The following KAZN variants were observed in gnomAD, a reference collection of about 807,000 sequenced individuals.
KAZN encodes the protein kazrin, periplakin interacting protein.
Under a neutral mutation model 87.4 loss-of-function variants are expected in KAZN, and 40 were observed. The ratio of observed to expected loss-of-function variants is 0.46; its 90% CI spans 0.36 to 0.60. The LOEUF (loss-of-function observed/expected upper bound fraction) is 0.60, where lower values mean the gene tolerates loss of function less well. Among genes scored for constraint, KAZN ranks in the 20% least tolerant of loss-of-function variants. KAZN has a pLI of 0.00. For missense variants in KAZN, 898 were observed against 1,073.9 expected, an observed-to-expected ratio of 0.84 and a Z score of 2.29; for synonymous variants, 466 against 458.3, an observed-to-expected ratio of 1.02 and a Z score of -0.22.
chr1:14,257,958 TTA>T (rs1650664155), intron 2 of KAZN, among the ~76,000 whole-genome samples: 1 of 28,418 alleles, frequency 3.5e-5, no homozygotes, highest in African/African-American at 2.0e-4. Context: ...AAAAAAAACA[TTA>T]AAAAAAAAAA....
chr1:14,945,775 C>T (rs1019824344), intron 1 of KAZN: 5 of 562,258 alleles, frequency 8.9e-6, no homozygotes, highest in Non-Finnish European at 1.1e-5. Flanking sequence ...TGAGCTGCCC[C>T]GCAGCACTTT....
chr1:14,971,988 G>T (rs1665102222), intron 2 of KAZN, among the ~76,000 whole-genome samples: 1 of 152,128 alleles, frequency 6.6e-6, no homozygotes, highest in Admixed American at 6.5e-5. Context: ...TGCAGCAGAG[G>T]CTGTCTTTAC....
intron 1 of KAZN, among the ~76,000 whole-genome samples, chr1:14,900,846 C>T (rs1173936252): frequency 6.6e-6 from 1 of 151,994 alleles, no homozygotes; most frequent in Non-Finnish European, 1.5e-5. Context: ...GAGAGGGATG[C>T]TGGCATGGCT....
At chr1:14,706,316 C>T (rs2148813824) in intron 1 of KAZN, among the ~76,000 whole-genome samples, 1 of 151,748 alleles carries the variant, frequency 6.6e-6, no homozygotes, top group South Asian at 2.1e-4. Flanking sequence ...TTGAATCATC[C>T]CCAAACCATC....
At chr1:14,021,819 A>G (rs921676602) in intron 1 of KAZN, among the ~76,000 whole-genome samples, 3 of 152,188 alleles carry the variant, frequency 2.0e-5, no homozygotes, top group African/African-American at 7.2e-5. Flanking sequence ...TCCCTGGGGA[A>G]GCCAATTTGT....
rs566191933 is a variant in KAZN at position 14,878,762 on chromosome 1, C to T, written c.227-81922C>T. 1.0e-3 allele frequency among the ~76,000 whole-genome samples: 154 copies of T among 152,332 alleles called. 1 individual carries two copies. Among genetic ancestry groups the T allele is most frequent in the Middle Eastern group, 3.4e-3 (1 of 294 alleles). On this transcript the variant is annotated intron_variant, in intron 1 of 14. Transcript: ENST00000376030. ...GTCTGGCTCTAGGCCCTCTCCCTTG[C>T]CAGTTTCCTGTTGGCCACCATGTTT...
intron 1 of KAZN, among the ~76,000 whole-genome samples, chr1:14,018,267 C>T (rs1291908892): frequency 6.6e-6 from 1 of 152,130 alleles, no homozygotes; most frequent in African/African-American, 2.4e-5. Context: ...TTTGTTTCAA[C>T]AGCTTGTGGC....
chr1:15,054,155 C>CAA (rs1674693761), intron 4 of KAZN, among the ~76,000 whole-genome samples: 1 of 151,752 alleles, frequency 6.6e-6, no homozygotes, highest in Non-Finnish European at 1.5e-5. Flanking sequence ...AGGCCTGGGG[C>CAA]AAAGTTAGAA....
At chr1:14,261,863 C>A (rs1651048667) in intron 2 of KAZN, among the ~76,000 whole-genome samples, 1 of 152,228 alleles carries the variant, frequency 6.6e-6, no homozygotes, top group East Asian at 1.9e-4. Context: ...GCAAGGGCTC[C>A]ATCTCAACTC....
chr1:14,767,847 G>A (rs1177845192), intron 1 of KAZN, among the ~76,000 whole-genome samples: 1 of 152,190 alleles, frequency 6.6e-6, no homozygotes, highest in Non-Finnish European at 1.5e-5. Flanking sequence ...CCTGAAAAGA[G>A]GACCTTGAGC....
chr1:14,105,604 A>G (rs1213251780), intron 1 of KAZN, among the ~76,000 whole-genome samples: 1 of 152,192 alleles, frequency 6.6e-6, no homozygotes, highest in Non-Finnish European at 1.5e-5. Context: ...CAAAGTGACC[A>G]AATGAAACAC....
At chr1:14,986,350 G>A (rs1226368559) in intron 2 of KAZN, among the ~76,000 whole-genome samples, 1 of 152,110 alleles carries the variant, frequency 6.6e-6, no homozygotes, top group Non-Finnish European at 1.5e-5. Context: ...TTTGCAAAAC[G>A]CCACCTCACC....
intron 1 of KAZN, among the ~76,000 whole-genome samples, chr1:13,917,034 G>A (rs775675092): frequency 1.2e-4 from 18 of 144,682 alleles, no homozygotes; most frequent in Non-Finnish European, 2.2e-4. Context: ...AGAATTCTCT[G>A]TATGCCAAGA....
intron 1 of KAZN, among the ~76,000 whole-genome samples, chr1:14,883,344 A>AGGGAGGGAGGGAGGGAGGG (rs1557586164): frequency 6.7e-5 from 2 of 29,682 alleles, no homozygotes; most frequent in African/African-American, 9.6e-5. Flanking sequence ...GAGAGAGAGA[A>AGGGAGGGAGGGAGGGAGGG]AGAAAGAAAG....
chr1:14,853,800 A>G (rs1457491182), intron 1 of KAZN, among the ~76,000 whole-genome samples: 3 of 152,184 alleles, frequency 2.0e-5, no homozygotes, highest in African/African-American at 7.2e-5. Context: ...TATTGGTGCT[A>G]GTACAGAAGT....
chr1:13,957,486 G>T (rs1177766664), intron 1 of KAZN, among the ~76,000 whole-genome samples: 1 of 152,162 alleles, frequency 6.6e-6, no homozygotes, highest in African/African-American at 2.4e-5. Context: ...AGTCCATTTA[G>T]TGTTGCTATA....
At chr1:14,850,882 T>A (rs1649351392) in intron 1 of KAZN, among the ~76,000 whole-genome samples, 1 of 152,162 alleles carries the variant, frequency 6.6e-6, no homozygotes, top group Non-Finnish European at 1.5e-5. Context: ...TTTATATTGG[T>A]TTCCTAGCCC....
At chr1:14,866,032 C>T (rs1233330479) in intron 1 of KAZN, among the ~76,000 whole-genome samples, 2 of 152,286 alleles carry the variant, frequency 1.3e-5, no homozygotes, top group East Asian at 1.9e-4. Context: ...GATACATTTC[C>T]GTTGTTCTGA....
At chr1:13,974,938 C>T (rs1397489412) in intron 1 of KAZN, among the ~76,000 whole-genome samples, 2 of 152,190 alleles carry the variant, frequency 1.3e-5, no homozygotes, top group South Asian at 2.1e-4. Flanking sequence ...CCTTTCCCTA[C>T]AGTGTAATTT....
Sources: gnomAD v4.1 joint callset for allele counts (sites outside exome capture counted in the v4.1 genomes callset) on GRCh38, gnomAD v4.1.1 for gene constraint, MANE v1.5 for transcripts, NCBI Gene and HGNC (gene_info 2026-07-23, HGNC 2026-07-21) for gene names.